Variants in CEACAM5 observed in about 807,000 individuals in gnomAD.
CEACAM5 encodes the protein cell adhesion molecule CEACAM5.
In CEACAM5, 52 loss-of-function variants were observed where a neutral mutation model predicts 63.0. That is an observed-to-expected ratio of 0.83 (90% CI 0.66 to 1.04). The LOEUF is 1.04. CEACAM5 is among the 50% of genes least tolerant of loss of function. The pLI is 0.00. For synonymous variants in CEACAM5, 357 were observed against 351.3 expected, an observed-to-expected ratio of 1.02 and a Z score of -0.18; for missense variants, 790 against 864.8, an observed-to-expected ratio of 0.91 and a Z score of 1.08.
At chr19:41,711,490 G>A (rs934669626) in intron 2 of CEACAM5, among the ~76,000 whole-genome samples, 6 of 152,156 alleles carry the variant, frequency 3.9e-5, no homozygotes, top group African/African-American at 1.4e-4. Context: ...AATCCTGGGA[G>A]GTTCTGACCA....
chr19:41,720,218 TTC>T lies in CEACAM5; in HGVS notation c.1771+12_1771+13del. On this transcript the variant is annotated intron_variant, in intron 7 of 9. Transcript: ENST00000221992. ...ACCCTGGATGTCCTCTGTGAGTATC[TTC>T]TGTTCCTCTGTGGCCCTGGTTTCCA... The T allele has an allele frequency of 1.2e-6, 2 of 1,611,000 alleles. No individual in the cohort carries two copies. The highest frequency in any genetic ancestry group is 1.7e-6 in the Non-Finnish European group (2 of 1,177,458).
chr19:41,712,687 C>T (rs1027982197), intron 2 of CEACAM5, among the ~76,000 whole-genome samples: 2 of 152,206 alleles, frequency 1.3e-5, no homozygotes, highest in Non-Finnish European at 1.5e-5. Context: ...TCAGCATCTT[C>T]CTTTGAGCAT....
At chr19:41,713,512 A>C (rs1398072197) in intron 2 of CEACAM5, among the ~76,000 whole-genome samples, 3 of 152,164 alleles carry the variant, frequency 2.0e-5, no homozygotes, top group African/African-American at 7.2e-5. Context: ...CACCAAGCTG[A>C]ACAGCAGATC....
chr19:41,717,386 G>T, intron 4 of CEACAM5, 69 bp from the exon 5 acceptor site: 1 of 1,542,920 alleles, frequency 6.5e-7, no homozygotes, highest in South Asian at 1.2e-5. Context: ...TGCCAACTCT[G>T]ATTGATAGAT....
At chr19:41,724,601 A>C (rs1555816776) in intron 8 of CEACAM5, among the ~76,000 whole-genome samples, 4 of 152,198 alleles carry the variant, frequency 2.6e-5, no homozygotes. Flanking sequence ...TCCATGAAAA[A>C]AAAATGTCTT....
intron 5 of CEACAM5, among the ~76,000 whole-genome samples, 184 bp downstream of exon 5, chr19:41,717,917 T>C (rs1241420364): frequency 6.6e-6 from 1 of 152,220 alleles, no homozygotes; most frequent in Non-Finnish European, 1.5e-5. Flanking sequence ...GGGGAGGGTC[T>C]GCTCCTGTCC....
chr19:41,709,185 C>G (rs548985087), intron 1 of CEACAM5, among the ~76,000 whole-genome samples: 7 of 152,352 alleles, frequency 4.6e-5, no homozygotes, highest in African/African-American at 1.7e-4. Flanking sequence ...GAATCTGCAG[C>G]CTGTCCCAGG....
rs1555815316 is a variant in CEACAM5, at chr19:41,717,691, T to C, written c.1195T>C (p.Leu399=). The change falls in exon 5 of 10, where the codon TTA becomes CTA. Residue 399 remains leucine (L), a synonymous_variant. Coordinates refer to ENST00000221992, the MANE Select transcript of CEACAM5 (RefSeq NM_004363.6). ...GPYECGIQNE[L]SVDHSDPVIL... ...CTATGAGTGTGGAATCCAGAACGAA[T>C]TAAGTGTTGACCACAGCGACCCAGT... 4.3e-6 allele frequency: 7 copies of C among 1,614,168 alleles called. No homozygotes were observed. Among genetic ancestry groups the C allele is most frequent in the South Asian group, 1.1e-5 (1 of 91,086 alleles).
At chr19:41,727,464 C>A in intron 9 of CEACAM5, 112 bp downstream of exon 9, 2 of 673,256 alleles carry the variant, frequency 3.0e-6, no homozygotes, top group East Asian at 2.5e-5. Context: ...CTTCCTCCTA[C>A]CCCCAAGCTC....
At chr19:41,726,869 C>T (rs1555817162) in intron 8 of CEACAM5, among the ~76,000 whole-genome samples, 1 of 152,154 alleles carries the variant, frequency 6.6e-6, no homozygotes, top group East Asian at 1.9e-4. Flanking sequence ...CCAATCAAGT[C>T]CCTGCCACAG....
intron 1 of CEACAM5, among the ~76,000 whole-genome samples, chr19:41,709,033 T>C (rs1351620259): frequency 6.6e-6 from 1 of 152,194 alleles, no homozygotes; most frequent in East Asian, 1.9e-4. Flanking sequence ...TTTTTAAAAA[T>C]CATAATAACT....
At chr19:41,720,500 C>CTTTTTTT (rs10713199) in intron 7 of CEACAM5, among the ~76,000 whole-genome samples, 5 of 96,052 alleles carry the variant, frequency 5.2e-5, no homozygotes, top group Non-Finnish European at 1.0e-4. Context: ...ATGGTTTGGA[C>CTTTTTTT]TTTTTTTTTT....
chr19:41,721,018 C>G lies in CEACAM5; in HGVS notation c.1868C>G (p.Pro623Arg). 6.2e-7 allele frequency: 1 copy of G among 1,614,198 alleles called. No homozygotes were observed. The highest frequency in any genetic ancestry group is 1.7e-5 in the Admixed American group (1 of 60,018). The change falls in exon 8 of 10, where the codon CCG becomes CGG. Residue 623 changes from proline (P) to arginine (R), a missense_variant. Pro to Arg is a moderately radical substitution (Grantham distance 103). Transcript: ENST00000221992. Reference protein sequence around the residue: ...LSCHSASNPSPQYSWRINGIP... With the variant: ...LSCHSASNPSRQYSWRINGIP... ...TGCCACTCGGCCTCTAACCCATCCC[C>G]GCAGTATTCTTGGCGTATCAATGGG...
At chr19:41,711,010 G>A (rs1555813963) in intron 2 of CEACAM5, among the ~76,000 whole-genome samples, 1 of 152,176 alleles carries the variant, frequency 6.6e-6, no homozygotes, top group African/African-American at 2.4e-5. Flanking sequence ...GTCACATGAG[G>A]TCTGTCTGTA....
At chr19:41,723,810 G>T (rs548819744) in intron 8 of CEACAM5, among the ~76,000 whole-genome samples, 2 of 152,000 alleles carry the variant, frequency 1.3e-5, no homozygotes, top group South Asian at 2.1e-4. Flanking sequence ...TTATCCAGGC[G>T]TGGTGGTGGG....
chr19:41,718,100 A>G (rs2072556782), intron 5 of CEACAM5, 28 bp from the exon 6 acceptor site: 2 of 1,611,768 alleles, frequency 1.2e-6, no homozygotes, highest in African/African-American at 2.7e-5. Context: ...GATGACATTC[A>G]CCTGTGGCCC....
chr19:41,720,836 C>A, intron 7 of CEACAM5, 86 bp from the exon 8 acceptor site: 2 of 1,515,684 alleles, frequency 1.3e-6, no homozygotes, highest in South Asian at 1.2e-5. Context: ...GGACAGGATT[C>A]AGAGGGACAC....
intron 4 of CEACAM5, among the ~76,000 whole-genome samples, chr19:41,716,856 A>T (rs925240237): frequency 6.6e-6 from 1 of 151,890 alleles, no homozygotes; most frequent in African/African-American, 2.4e-5. Context: ...TACCCACAGG[A>T]CTCTTTTCTT....
intron 8 of CEACAM5, among the ~76,000 whole-genome samples, chr19:41,725,571 C>A (rs1259374525): frequency 6.6e-6 from 1 of 152,020 alleles, no homozygotes; most frequent in Non-Finnish European, 1.5e-5. Context: ...CTGTGTCTGC[C>A]TATGTTGCCC....
Sources: allele counts gnomAD v4.1 joint callset (sites outside exome capture counted in the v4.1 genomes callset), GRCh38; gene constraint gnomAD v4.1.1; transcripts MANE v1.5; gene names NCBI Gene and HGNC (gene_info 2026-07-23, HGNC 2026-07-21).